The following MED13L variants were observed in gnomAD, a reference collection of about 807,000 sequenced individuals.
MED13L encodes mediator complex subunit 13L, also known as mediator of RNA polymerase II transcription subunit 13-like.
In MED13L, 7 loss-of-function variants were observed where a neutral mutation model predicts 220.9. That is an observed-to-expected ratio of 0.03 (90% CI 0.02 to 0.06). MED13L has a LOEUF of 0.06. Among genes scored for constraint, MED13L ranks in the 10% least tolerant of loss-of-function variants. The pLI is 1.00. For missense variants in MED13L, 1,965 were observed against 2,760.5 expected (o/e 0.71, Z 6.46); for synonymous variants, 1,011 against 1,015.2 (o/e 1.00, Z 0.08).
chr12:116,102,359 C>T (rs1873127381), intron 3 of MED13L, among the ~76,000 whole-genome samples: 2 of 152,160 alleles, frequency 1.3e-5, no homozygotes, highest in Admixed American at 1.3e-4. Flanking sequence ...TAGAAGGCAG[C>T]CCATCACTAG....
At chr12:116,271,212 TGTGTGTGTGA>T (rs1352896980) in intron 1 of MED13L, among the ~76,000 whole-genome samples, 12 of 152,122 alleles carry the variant, frequency 7.9e-5, no homozygotes, top group Admixed American at 3.3e-4. Flanking sequence ...TACGTGTGTG[TGTGTGTGTGA>T]GTGTGTGCGC....
At chr12:116,057,154 A>G (rs1389123793) in intron 4 of MED13L, among the ~76,000 whole-genome samples, 1 of 152,216 alleles carries the variant, frequency 6.6e-6, no homozygotes, top group Non-Finnish European at 1.5e-5. Flanking sequence ...GAAGTTGGCT[A>G]ACACCTGAAG....
At chr12:116,160,386 C>T (rs948713043) in intron 2 of MED13L, among the ~76,000 whole-genome samples, 1 of 152,036 alleles carries the variant, frequency 6.6e-6, no homozygotes, top group African/African-American at 2.4e-5. Flanking sequence ...AGGTGAGTCA[C>T]GATGCATCAT....
chr12:116,116,895 A>G (rs2137928271), intron 2 of MED13L, among the ~76,000 whole-genome samples: 1 of 150,902 alleles, frequency 6.6e-6, no homozygotes, highest in Non-Finnish European at 1.5e-5. Flanking sequence ...TTTTCCCTAG[A>G]ACCTTACATC....
chr12:116,034,949 G>A (rs1881086247), intron 4 of MED13L, among the ~76,000 whole-genome samples: 1 of 152,134 alleles, frequency 6.6e-6, no homozygotes, highest in Non-Finnish European at 1.5e-5. Context: ...AGGTTGCAGT[G>A]AGCCGAGATC....
chr12:116,139,945 G>A (rs1876909201), intron 2 of MED13L, among the ~76,000 whole-genome samples: 1 of 146,764 alleles, frequency 6.8e-6, no homozygotes. Flanking sequence ...GCTGCAGCCT[G>A]GGCAACAAAA....
intron 2 of MED13L, among the ~76,000 whole-genome samples, chr12:116,120,042 G>A (rs1420816861): frequency 6.6e-6 from 1 of 151,566 alleles, no homozygotes; most frequent in Non-Finnish European, 1.5e-5. Flanking sequence ...TAGCTGCTGT[G>A]GCTAGAACTT....
chr12:116,160,994 GT>G (rs1878815212), intron 2 of MED13L, among the ~76,000 whole-genome samples: 1 of 152,040 alleles, frequency 6.6e-6, no homozygotes, highest in Admixed American at 6.6e-5. Flanking sequence ...GAAAATAAAC[GT>G]ATTTCTTATA....
chr12:116,006,094 T>A, intron 12 of MED13L, 101 bp from the exon 13 acceptor site: 1 of 1,513,402 alleles, frequency 6.6e-7, no homozygotes, highest in South Asian at 1.1e-5. Flanking sequence ...TGCCTGTGAG[T>A]TTTTCCCTAT....
intron 1 of MED13L, among the ~76,000 whole-genome samples, chr12:116,275,730 G>T (rs539434857): frequency 6.6e-6 from 1 of 152,052 alleles, no homozygotes; most frequent in East Asian, 1.9e-4. Context: ...CTCTCCAAAA[G>T]GGACTCACCT....
chr12:116,106,546 T>C (rs1475491321), intron 3 of MED13L, among the ~76,000 whole-genome samples: 1 of 152,070 alleles, frequency 6.6e-6, no homozygotes, highest in Non-Finnish European at 1.5e-5. Flanking sequence ...ATATATTCAG[T>C]AAAAAAGATA....
chr12:116,114,687 C>G (rs1057038887), intron 2 of MED13L, among the ~76,000 whole-genome samples: 1 of 152,072 alleles, frequency 6.6e-6, no homozygotes, highest in Non-Finnish European at 1.5e-5. Flanking sequence ...ACATATGACA[C>G]GACTGTCTAT....
At chr12:116,277,008 G>A (rs1873914030) in intron 1 of MED13L, 52 bp downstream of exon 1, 1 of 1,497,516 alleles carries the variant, frequency 6.7e-7, no homozygotes, top group African/African-American at 1.4e-5. Flanking sequence ...CGGAGGTCGG[G>A]GACCCCCCCC....
intron 5 of MED13L, among the ~76,000 whole-genome samples, chr12:116,022,095 G>T (rs1880094233): frequency 6.6e-6 from 1 of 152,036 alleles, no homozygotes; most frequent in Admixed American, 6.6e-5. Context: ...CTAAAACCTT[G>T]TTAATAAACA....
At chr12:116,090,881 T>C (rs904058561) in intron 4 of MED13L, among the ~76,000 whole-genome samples, 1 of 152,156 alleles carries the variant, frequency 6.6e-6, no homozygotes, top group African/African-American at 2.4e-5. Context: ...TCCCAGCACT[T>C]TGGGAGGCCA....
At chr12:116,193,844 A>AT (rs1218410371) in intron 2 of MED13L, among the ~76,000 whole-genome samples, 2 of 152,204 alleles carry the variant, frequency 1.3e-5, no homozygotes, top group Non-Finnish European at 2.9e-5. Flanking sequence ...AAGTAAACCG[A>AT]TCACTGTACA....
At chr12:116,151,965 A>G (rs117808267) in intron 2 of MED13L, among the ~76,000 whole-genome samples, 228 of 152,280 alleles carry the variant, frequency 1.5e-3, no homozygotes, top group Non-Finnish European at 2.8e-3. Flanking sequence ...ACTTATCTGG[A>G]CCCCTCAAAT....
chr12:115,965,298 TC>T (rs1466542042), intron 29 of MED13L, among the ~76,000 whole-genome samples: 1 of 152,236 alleles, frequency 6.6e-6, no homozygotes, highest in African/African-American at 2.4e-5. Context: ...ATTCAATCAG[TC>T]CCTCACTGAT....
At chr12:116,145,838 C>T (rs959139818) in intron 2 of MED13L, among the ~76,000 whole-genome samples, 2 of 151,978 alleles carry the variant, frequency 1.3e-5, no homozygotes, top group Middle Eastern at 3.2e-3. Context: ...GCCTCAAGCA[C>T]ATTTTTAGTC....
Sources: gnomAD v4.1 joint callset for allele counts (sites outside exome capture counted in the v4.1 genomes callset) on GRCh38, gnomAD v4.1.1 for gene constraint, MANE v1.5 for transcripts, NCBI Gene and HGNC (gene_info 2026-07-23, HGNC 2026-07-21) for gene names.